Variants in LRMDA observed in about 807,000 individuals in gnomAD.
LRMDA encodes leucine-rich melanocyte differentiation-associated protein.
In LRMDA, 18 loss-of-function variants were observed where a neutral mutation model predicts 29.8. The observed-to-expected ratio is 0.60, with a 90% CI of 0.42 to 0.90. The LOEUF (loss-of-function observed/expected upper bound fraction) is 0.90, where lower values mean the gene tolerates loss of function less well. Among genes scored for constraint, LRMDA ranks in the 40% least tolerant of loss-of-function variants. The probability of loss-of-function intolerance (pLI) is 0.00; values close to 1 mark genes in which losing one functional copy is unlikely to be tolerated. For missense variants in LRMDA, 273 were observed against 273.9 expected (o/e 1.00, Z 0.02); for synonymous variants, 125 against 109.4 (o/e 1.14, Z -0.89).
chr10:76,479,647 C>A (rs189262466), intron 6 of LRMDA, among the ~76,000 whole-genome samples: 158 of 151,928 alleles, frequency 1.0e-3, no homozygotes, highest in African/African-American at 3.2e-3. Context: ...TGAAGGGCTG[C>A]AATTTTTAAC....
chr10:75,797,159 G>A (rs1843667186), intron 2 of LRMDA, among the ~76,000 whole-genome samples: 1 of 151,986 alleles, frequency 6.6e-6, no homozygotes, highest in Admixed American at 6.6e-5. Context: ...AATATAGGGT[G>A]ACTGAAATTT....
intron 2 of LRMDA, among the ~76,000 whole-genome samples, chr10:75,985,669 C>G (rs1348658197): frequency 6.6e-6 from 1 of 152,226 alleles, no homozygotes; most frequent in Non-Finnish European, 1.5e-5. Context: ...CCCTGGTTGG[C>G]CAGTCAGTTT....
rs60536179 is a variant in LRMDA, at chr10:76,538,460, G to GTA, written c.602-18739_602-18738dup. Among the ~76,000 whole-genome samples, 747 of 143,094 alleles carry GTA rather than the reference G, an allele frequency of 5.2e-3. 8 individuals are homozygous for GTA. The highest frequency in any genetic ancestry group is 0.017 in the African/African-American group (649 of 38,004). The allele number at this position is 143,094 out of a possible 152,430, so 93.9% of individuals were successfully genotyped here. On this transcript the variant is annotated intron_variant, in intron 6 of 6. Coordinates refer to ENST00000611255, the MANE Select transcript of LRMDA (RefSeq NM_001305581.2). Reference sequence around the variant, plus strand: ...TTAACAGGATATCTTGCATATATATGTATATATATATGTATATACATATTT... The same window carrying GTA: ...TTAACAGGATATCTTGCATATATATGTATATATATATATGTATATACATATTT...
rs570618367 is a variant in LRMDA at position 75,863,000 on chromosome 10, T to TA, written c.132-172998dup. On this transcript the variant is annotated intron_variant, in intron 2 of 6. Coordinates refer to ENST00000611255, the MANE Select transcript of LRMDA (RefSeq NM_001305581.2). ...ATTCTTTTTGTTTGGTCCTGGCTTA[T>TA]AAAAAAAAAAGCCCTGCATGTAAAT... 3.8e-3 allele frequency among the ~76,000 whole-genome samples: 553 copies of TA among 146,574 alleles called. 3 individuals are homozygous for TA. The highest frequency in any genetic ancestry group is 0.014 in the Middle Eastern group (4 of 286).
At chr10:75,805,146 AGTC>A (rs1013563264) in intron 2 of LRMDA, among the ~76,000 whole-genome samples, 1 of 152,170 alleles carries the variant, frequency 6.6e-6, no homozygotes, top group African/African-American at 2.4e-5. Context: ...GTGAGGCCAG[AGTC>A]AAGTGATCTA....
At chr10:76,060,732 C>T (rs1016051230) in intron 5 of LRMDA, among the ~76,000 whole-genome samples, 9 of 152,200 alleles carry the variant, frequency 5.9e-5, no homozygotes, top group African/African-American at 1.9e-4. Context: ...CGAAATCCTT[C>T]CTTGCTTTTG....
intron 5 of LRMDA, among the ~76,000 whole-genome samples, chr10:76,172,672 T>C (rs1589362880): frequency 6.6e-6 from 1 of 152,160 alleles, no homozygotes; most frequent in African/African-American, 2.4e-5. Flanking sequence ...CCAGAAGTAG[T>C]GCTGTTGCCA....
intron 6 of LRMDA, among the ~76,000 whole-genome samples, chr10:76,448,013 G>A (rs1842369792): frequency 1.3e-5 from 2 of 152,084 alleles, no homozygotes; most frequent in African/African-American, 4.8e-5. Flanking sequence ...AGTTTACAAT[G>A]TTATCTTGAC....
intron 2 of LRMDA, among the ~76,000 whole-genome samples, chr10:75,676,284 C>G (rs1163949910): frequency 2.0e-5 from 3 of 152,168 alleles, no homozygotes; most frequent in African/African-American, 4.8e-5. Flanking sequence ...TCTTCCTAAT[C>G]TGTGGTCAGG....
At chr10:75,812,322 A>G (rs1289832804) in intron 2 of LRMDA, among the ~76,000 whole-genome samples, 4 of 152,116 alleles carry the variant, frequency 2.6e-5, no homozygotes, top group Admixed American at 6.5e-5. Context: ...AAGCCCGTCA[A>G]TGTAGCATGA....
At chr10:76,436,594 G>A (rs1437440159) in intron 6 of LRMDA, among the ~76,000 whole-genome samples, 2 of 152,220 alleles carry the variant, frequency 1.3e-5, no homozygotes, top group African/African-American at 4.8e-5. Flanking sequence ...CTTTGGAGCA[G>A]GCACTACAGG....
chr10:76,074,624 G>C (rs746455842), intron 5 of LRMDA, among the ~76,000 whole-genome samples: 15 of 152,134 alleles, frequency 9.9e-5, no homozygotes, highest in Non-Finnish European at 1.9e-4. Context: ...AGGAGGTTCT[G>C]GGGGACCGTG....
At chr10:76,084,253 A>G (rs921980440) in intron 5 of LRMDA, among the ~76,000 whole-genome samples, 1 of 151,138 alleles carries the variant, frequency 6.6e-6, no homozygotes, top group South Asian at 2.1e-4. Flanking sequence ...GCTGGAGTAC[A>G]GTGGTGTGAT....
At chr10:75,586,673 C>T (rs1200879116) in intron 2 of LRMDA, among the ~76,000 whole-genome samples, 3 of 151,970 alleles carry the variant, frequency 2.0e-5, no homozygotes, top group South Asian at 4.2e-4. Context: ...GCCATCCTGA[C>T]AGGTATGAGG....
At chr10:76,464,825 ATC>A (rs1217840517) in intron 6 of LRMDA, 1 of 152,130 alleles carries the variant, frequency 6.6e-6, no homozygotes, top group African/African-American at 2.4e-5. Context: ...ATGGGTGTGA[ATC>A]TCTGTGTGCT....
chr10:76,183,065 T>G (rs1865641), intron 5 of LRMDA, among the ~76,000 whole-genome samples: 23,557 of 152,188 alleles, frequency 0.15, 2,575 homozygotes, highest in East Asian at 0.52. Context: ...AGTCTGCCCA[T>G]CTTTAGGAAG....
chr10:76,323,819 A>G (rs2132397378), intron 5 of LRMDA, among the ~76,000 whole-genome samples: 1 of 152,328 alleles, frequency 6.6e-6, no homozygotes. Context: ...GTTGATAACC[A>G]CTACATCCCA....
At chr10:76,108,131 G>A (rs1014691134) in intron 5 of LRMDA, among the ~76,000 whole-genome samples, 1 of 152,160 alleles carries the variant, frequency 6.6e-6, no homozygotes, top group Admixed American at 6.5e-5. Context: ...CAAGCTTGGG[G>A]AAATACTAGC....
At chr10:76,064,703 T>C (rs983716376) in intron 5 of LRMDA, among the ~76,000 whole-genome samples, 4 of 152,208 alleles carry the variant, frequency 2.6e-5, no homozygotes, top group African/African-American at 9.6e-5. Context: ...TTATTACAAT[T>C]ACTGTCCTTT....
Sources: allele counts gnomAD v4.1 joint callset (sites outside exome capture counted in the v4.1 genomes callset), GRCh38; gene constraint gnomAD v4.1.1; transcripts MANE v1.5; gene names NCBI Gene and HGNC (gene_info 2026-07-23, HGNC 2026-07-21).